Variants in CUX1 observed in about 807,000 individuals in gnomAD.
The protein encoded by CUX1 is cut like homeobox 1, also known as protein CASP.
A neutral mutation model predicts 158.8 loss-of-function variants in CUX1; 31 were observed. The observed-to-expected ratio is 0.20, with a 90% CI of 0.15 to 0.26. The LOEUF is 0.26. CUX1 is among the 10% of genes least tolerant of loss of function. The pLI is 1.00. For synonymous variants in CUX1, 879 were observed against 862.1 expected (o/e 1.02, Z -0.34); for missense variants, 1,589 against 2,014.6 (o/e 0.79, Z 4.04).
intron 1 of CUX1, among the ~76,000 whole-genome samples, chr7:101,860,926 C>A (rs1797389155): frequency 6.6e-6 from 1 of 152,102 alleles, no homozygotes; most frequent in African/African-American, 2.4e-5. Flanking sequence ...CCCACCTCAG[C>A]CTGTGAGGTT....
At chr7:102,055,979 A>C (rs1470164301) in intron 3 of CUX1, among the ~76,000 whole-genome samples, 1 of 152,238 alleles carries the variant, frequency 6.6e-6, no homozygotes, top group African/African-American at 2.4e-5. Flanking sequence ...ACATTCTCTT[A>C]AGCCAAAGTC....
At chr7:101,912,614 C>T (rs576474476) in intron 1 of CUX1, among the ~76,000 whole-genome samples, 24 of 152,202 alleles carry the variant, frequency 1.6e-4, no homozygotes, top group African/African-American at 3.1e-4. Context: ...GAGCCAGGCA[C>T]GGTCACAAGT....
At chr7:102,226,265 T>C (rs143109096) in intron 20 of CUX1, among the ~76,000 whole-genome samples, 61 of 152,324 alleles carry the variant, frequency 4.0e-4, no homozygotes, top group African/African-American at 1.4e-3. Context: ...ACAGCATGGC[T>C]TATACCAGCA....
intron 1 of CUX1, among the ~76,000 whole-genome samples, chr7:101,912,292 G>A (rs1803585234): frequency 7.0e-6 from 1 of 142,114 alleles, no homozygotes; most frequent in African/African-American, 2.6e-5. Context: ...CCAGTGGGCA[G>A]CATATTGTGC....
At chr7:102,145,303 T>C (rs1411524384) in intron 8 of CUX1, among the ~76,000 whole-genome samples, 4 of 151,940 alleles carry the variant, frequency 2.6e-5, no homozygotes, top group Non-Finnish European at 4.4e-5. Context: ...TCCCCAGAAA[T>C]AGTTTATCAT....
chr7:102,239,744 C>CTTTTT (rs1306972108), intron 23 of CUX1, among the ~76,000 whole-genome samples, 160 bp downstream of exon 23: 1 of 149,258 alleles, frequency 6.7e-6, no homozygotes, highest in African/African-American at 2.5e-5. Flanking sequence ...TTTTTTTTTT[C>CTTTTT]TTTTCTTTTC....
At chr7:102,237,028 G>A (rs1269170030) in intron 22 of CUX1, among the ~76,000 whole-genome samples, 1 of 152,138 alleles carries the variant, frequency 6.6e-6, no homozygotes, top group African/African-American at 2.4e-5. Context: ...CCAGCCCCCT[G>A]CCAGCCCCTG....
At chr7:102,066,196 A>G (rs1238174487) in intron 3 of CUX1, among the ~76,000 whole-genome samples, 3 of 152,028 alleles carry the variant, frequency 2.0e-5, no homozygotes, top group Admixed American at 1.3e-4. Flanking sequence ...TTTCCTGGTC[A>G]TCTTCTTCTT....
chr7:102,089,118 A>G (rs1032684967), intron 4 of CUX1, among the ~76,000 whole-genome samples: 3 of 151,762 alleles, frequency 2.0e-5, no homozygotes, highest in African/African-American at 7.3e-5. Flanking sequence ...TGTCTAATCT[A>G]TTGTTCAGCC....
At chr7:102,216,810 A>C (rs963904343) in intron 20 of CUX1, among the ~76,000 whole-genome samples, 56 of 90,402 alleles carry the variant, frequency 6.2e-4, no homozygotes, top group Non-Finnish European at 1.1e-3. Flanking sequence ...ACACACCCCC[A>C]CACACACTCT....
rs71123016 is a variant in CUX1, at chr7:102,222,811, C to CTTT, written c.3131-4532_3131-4530dup. Reference sequence around the variant, plus strand: ...GGCTGTGTGTCTCGGGGCACCGTATCTTTTTTTTTTTTTTTTTTTTTTTTT... The same window carrying CTTT: ...GGCTGTGTGTCTCGGGGCACCGTATCTTTTTTTTTTTTTTTTTTTTTTTTTTTT... On this transcript the variant is annotated intron_variant, in intron 20 of 23. Coordinates refer to ENST00000292535, the MANE Select transcript of CUX1 (RefSeq NM_181552.4). Among the ~76,000 whole-genome samples, 20 of 25,526 alleles carry CTTT rather than the reference C, an allele frequency of 7.8e-4. 3 individuals are homozygous for CTTT. Among genetic ancestry groups the CTTT allele is most frequent in the South Asian group, 5.5e-3 (2 of 364 alleles). The allele number at this position is 25,526 out of a possible 152,430, so 16.7% of individuals were successfully genotyped here. A position where few individuals can be genotyped will look rare whatever the true frequency, so the allele number is the denominator to read the frequency against.
At chr7:101,929,851 C>G (rs1278727206) in intron 2 of CUX1, among the ~76,000 whole-genome samples, 2 of 151,822 alleles carry the variant, frequency 1.3e-5, no homozygotes, top group African/African-American at 4.8e-5. Context: ...AATTTTTTTT[C>G]TTTTTTTGAG....
At chr7:102,192,552 G>T (rs933698981) in intron 12 of CUX1, among the ~76,000 whole-genome samples, 1 of 152,130 alleles carries the variant, frequency 6.6e-6, no homozygotes, top group Non-Finnish European at 1.5e-5. Context: ...TCAGCTGGGC[G>T]CAGTGGCTCA....
chr7:102,200,258 T>A, intron 17 of CUX1, 86 bp downstream of exon 17: 1 of 1,088,600 alleles, frequency 9.2e-7, no homozygotes, highest in South Asian at 1.6e-5. Flanking sequence ...AATTAACTAT[T>A]TTTTTTTTAA....
chr7:101,945,045 G>A (rs1295448729), intron 2 of CUX1, among the ~76,000 whole-genome samples: 1 of 152,126 alleles, frequency 6.6e-6, no homozygotes, highest in Non-Finnish European at 1.5e-5. Flanking sequence ...GTCACCCCAG[G>A]GTGCCACCCC....
chr7:102,190,853 A>G (rs1794196507), intron 12 of CUX1, among the ~76,000 whole-genome samples: 1 of 152,018 alleles, frequency 6.6e-6, no homozygotes, highest in African/African-American at 2.4e-5. Context: ...CCCTCTGCCT[A>G]GACCTTGAGT....
At chr7:101,908,450 T>TTTTG (rs59267502) in intron 1 of CUX1, among the ~76,000 whole-genome samples, 9,328 of 150,246 alleles carry the variant, frequency 0.062, 371 homozygotes, top group East Asian at 0.2. Context: ...CCAGCCTGTT[T>TTTTG]TTTGTTTGTT....
chr7:102,054,656 C>T (rs1823921025), intron 3 of CUX1, among the ~76,000 whole-genome samples: 1 of 152,074 alleles, frequency 6.6e-6, no homozygotes. Flanking sequence ...TTAGAATCAA[C>T]TTGTCAATTT....
chr7:101,913,919 G>C (rs1213626095), intron 1 of CUX1, among the ~76,000 whole-genome samples: 3 of 151,896 alleles, frequency 2.0e-5, no homozygotes, highest in Non-Finnish European at 2.9e-5. Flanking sequence ...TATAACTTCG[G>C]CTGCTGCTGC....
Sources: allele counts gnomAD v4.1 joint callset (sites outside exome capture counted in the v4.1 genomes callset), GRCh38; gene constraint gnomAD v4.1.1; transcripts MANE v1.5; gene names NCBI Gene and HGNC (gene_info 2026-07-23, HGNC 2026-07-21).